SMAP1: variants seen among roughly 807,000 people sequenced by gnomAD.
The protein encoded by SMAP1 is small ArfGAP 1, also known as stromal membrane-associated protein 1.
In SMAP1, 24 loss-of-function variants were observed where a neutral mutation model predicts 58.5. The ratio of observed to expected loss-of-function variants is 0.41; its 90% confidence interval spans 0.30 to 0.58. SMAP1 has a LOEUF of 0.58. SMAP1 is among the 20% of genes least tolerant of loss of function. The pLI is 0.29. For missense variants in SMAP1, 563 were observed against 566.3 expected (o/e 0.99, Z 0.06); for synonymous variants, 216 against 196.6 (o/e 1.10, Z -0.82).
chr6:70,815,639 G>A (rs1769587818), intron 6 of SMAP1, among the ~76,000 whole-genome samples: 1 of 152,112 alleles, frequency 6.6e-6, no homozygotes, highest in African/African-American at 2.4e-5. Context: ...CCACCCCACT[G>A]TTGATAGTGG....
chr6:70,712,792 C>CT (rs200263418), intron 1 of SMAP1, among the ~76,000 whole-genome samples: 13 of 130,390 alleles, frequency 1.0e-4, no homozygotes, highest in African/African-American at 3.2e-4. Flanking sequence ...TTCTTTTTTT[C>CT]TTTTCTTTTT....
At chr6:70,757,308 C>T (rs1269441014) in intron 3 of SMAP1, among the ~76,000 whole-genome samples, 2 of 150,040 alleles carry the variant, frequency 1.3e-5, no homozygotes, top group African/African-American at 4.9e-5. Flanking sequence ...GGAAAACTGG[C>T]TAGCCATATG....
chr6:70,719,183 T>C (rs1437658501), intron 1 of SMAP1, among the ~76,000 whole-genome samples: 1 of 152,200 alleles, frequency 6.6e-6, no homozygotes, highest in Admixed American at 6.5e-5. Flanking sequence ...ATAGAGTGCT[T>C]TCATTATATG....
chr6:70,860,136 C>CTAAAGAAACAAGAATTAAAAGTGAA, intron 10 of SMAP1, 64 bp from the exon 11 acceptor site: 1 of 1,499,760 alleles, frequency 6.7e-7, no homozygotes, highest in Non-Finnish European at 8.9e-7. Flanking sequence ...AACTGTGTGG[C>CTAAAGAAACAAGAATTAAAAGTGAA]TAAAGAAACA....
At chr6:70,759,733 AT>A in intron 3 of SMAP1, 2 of 268,418 alleles carry the variant, frequency 7.5e-6, no homozygotes, top group South Asian at 7.6e-5. Flanking sequence ...ATATTTTAAA[AT>A]ATTTGGTCCT....
intron 1 of SMAP1, among the ~76,000 whole-genome samples, chr6:70,702,999 C>T (rs916832858): frequency 2.0e-5 from 3 of 152,038 alleles, no homozygotes; most frequent in Admixed American, 1.3e-4. Flanking sequence ...TTGTGCCTTG[C>T]GTGCTAATTC....
At chr6:70,789,298 C>T (rs1768233250) in intron 4 of SMAP1, among the ~76,000 whole-genome samples, 1 of 152,002 alleles carries the variant, frequency 6.6e-6, no homozygotes, top group Admixed American at 6.6e-5. Context: ...GATATAGAAC[C>T]TTTTCGTCAC....
intron 1 of SMAP1, among the ~76,000 whole-genome samples, chr6:70,705,731 C>T (rs543518562): frequency 5.3e-5 from 8 of 152,234 alleles, no homozygotes; most frequent in Non-Finnish European, 1.2e-4. Context: ...ACAGGTATAG[C>T]GTTCTTATTG....
Position 70,860,192 on chromosome 6 carries a change from T to C in SMAP1, c.1270-8T>C, listed in dbSNP as rs2150017783. ...CCTCTTGAACTAAGCCTTTTATATG[T>C]TTCACAGATGAATCAGCAGATGGCT... On this transcript the variant is annotated splice_region_variant and splice_polypyrimidine_tract_variant and intron_variant, in intron 10 of 10. Coordinates refer to ENST00000370455, the MANE Select transcript of SMAP1 (RefSeq NM_001044305.3). 2 of 1,602,576 alleles carry C rather than the reference T, an allele frequency of 1.2e-6. No individual in the cohort carries two copies. The highest frequency in any genetic ancestry group is 2.3e-5 in the South Asian group (2 of 88,686).
At chr6:70,729,204 C>G (rs937230894) in intron 1 of SMAP1, among the ~76,000 whole-genome samples, 1 of 152,038 alleles carries the variant, frequency 6.6e-6, no homozygotes, top group Non-Finnish European at 1.5e-5. Flanking sequence ...CTTTGGGAGG[C>G]CGAGGCGGGC....
At chr6:70,671,501 C>G (rs1289546557) in intron 1 of SMAP1, among the ~76,000 whole-genome samples, 1 of 152,028 alleles carries the variant, frequency 6.6e-6, no homozygotes, top group East Asian at 1.9e-4. Flanking sequence ...ACCTGGGAGG[C>G]GGAGAGGCGG....
intron 2 of SMAP1, among the ~76,000 whole-genome samples, chr6:70,753,347 T>C (rs1766356959): frequency 6.6e-6 from 1 of 152,206 alleles, no homozygotes. Flanking sequence ...CAAATTTTCT[T>C]ACTTTTGCAC....
At chr6:70,697,748 T>A (rs565165744) in intron 1 of SMAP1, among the ~76,000 whole-genome samples, 59 of 152,328 alleles carry the variant, frequency 3.9e-4, no homozygotes, top group African/African-American at 1.4e-3. Context: ...TATTTTAAAC[T>A]GATGACAACT....
At chr6:70,849,916 A>G (rs766924006) in intron 7 of SMAP1, among the ~76,000 whole-genome samples, 5 of 152,192 alleles carry the variant, frequency 3.3e-5, no homozygotes, top group Admixed American at 6.5e-5. Flanking sequence ...TAAGATTACA[A>G]TCTAAGACTT....
chr6:70,825,000 G>A (rs1292797618), intron 6 of SMAP1, among the ~76,000 whole-genome samples: 2 of 152,198 alleles, frequency 1.3e-5, no homozygotes, highest in East Asian at 1.9e-4. Flanking sequence ...CAGTAACCCT[G>A]CTCACCCTGT....
intron 3 of SMAP1, among the ~76,000 whole-genome samples, chr6:70,767,263 G>GT (rs1474001019): frequency 6.6e-6 from 1 of 151,200 alleles, no homozygotes; most frequent in African/African-American, 2.4e-5. Context: ...CTTTAAAGTA[G>GT]TTTTTTCCAA....
intron 6 of SMAP1, among the ~76,000 whole-genome samples, chr6:70,806,043 C>G (rs1012632559): frequency 6.6e-6 from 1 of 152,238 alleles, no homozygotes; most frequent in Non-Finnish European, 1.5e-5. Flanking sequence ...CTCTTCAGAG[C>G]TGTCAGACAG....
intron 1 of SMAP1, among the ~76,000 whole-genome samples, chr6:70,711,814 A>G (rs995859244): frequency 6.6e-6 from 1 of 152,128 alleles, no homozygotes; most frequent in Admixed American, 6.5e-5. Flanking sequence ...CACCTGGCCT[A>G]ATATGTATAT....
In SMAP1 at chr6:70,858,287, CTTTTTTT is replaced by C. The variant is rs68188898; in HGVS notation, c.1269+80_1269+86del. ...ATCAAACCAGATTTATTTTCTAAAT[CTTTTTTT>C]TTTTTTTTTTTTTTTTTTTTTAAGT... On this transcript the variant is annotated intron_variant, in intron 10 of 10. Transcript: ENST00000370455. 171 of 290,630 alleles carry C rather than the reference CTTTTTTT, an allele frequency of 5.9e-4. 2 individuals carry two copies. The highest frequency in any genetic ancestry group is 2.5e-3 in the African/African-American group (58 of 23,062). 18.0% of individuals were successfully genotyped at this position (290,630 alleles called of 1,614,324 possible).
Sources: allele counts gnomAD v4.1 joint callset (sites outside exome capture counted in the v4.1 genomes callset), GRCh38; gene constraint gnomAD v4.1.1; transcripts MANE v1.5; gene names NCBI Gene and HGNC (gene_info 2026-07-23, HGNC 2026-07-21).